The following PCDHGA1 variants were observed in gnomAD, a reference collection of about 807,000 sequenced individuals.
PCDHGA1 encodes the protein protocadherin gamma subfamily A, 1.
PCDHGA1 carries 32 observed loss-of-function variants against 58.0 expected under a neutral mutation model. That is an observed-to-expected ratio of 0.55 (90% CI 0.42 to 0.74). The LOEUF (loss-of-function observed/expected upper bound fraction) is 0.74, where lower values mean the gene tolerates loss of function less well. Ranked by LOEUF, PCDHGA1 falls within the 30% of genes least tolerant of loss-of-function variation. PCDHGA1 has a pLI of 0.00. For missense variants in PCDHGA1, 1,205 were observed against 1,182.3 expected (o/e 1.02, Z -0.28); for synonymous variants, 498 against 501.1 (o/e 0.99, Z 0.08).
In PCDHGA1 at chr5:141,471,102, G is replaced by A. The variant is rs922174682; in HGVS notation, c.2422-23705G>A. 3.4e-5 allele frequency among the ~76,000 whole-genome samples: 5 copies of A among 146,522 alleles called. No individual in the cohort carries two copies. The Admixed American group carries it at 3.5e-4, about 10-fold the overall frequency. On this transcript the variant is annotated intron_variant, in intron 1 of 3. Coordinates refer to ENST00000517417, the MANE Select transcript of PCDHGA1 (RefSeq NM_018912.3). ...CTCCCTCTGTTGTCCAGGCTAGAGTGCAGTGGTGCGATCTTACCTTCACTG... is the reference window on the plus strand; with the variant it reads ...CTCCCTCTGTTGTCCAGGCTAGAGTACAGTGGTGCGATCTTACCTTCACTG...
intron 1 of PCDHGA1, among the ~76,000 whole-genome samples, chr5:141,369,601 T>C (rs1247680470): frequency 2.0e-5 from 3 of 152,244 alleles, no homozygotes; most frequent in Non-Finnish European, 4.4e-5. Flanking sequence ...ACTTCTATTT[T>C]ATAAGGTCAA....
At position 141,331,845 on chromosome 5, in the gene PCDHGA1, T is replaced by C. The variant is rs764786644; in HGVS notation, c.1161T>C (p.Pro387=). Residue 387 remains proline, a synonymous_variant, in exon 1 of 4, where the codon CCT becomes CCC. Transcript: ENST00000517417. ...ATGGCTACACCACATGTTTCATTCC[T>C]GGAAATTTACCCTTTAAATTGGAAA... The part of the protein sequence containing the change: ...GDNGYTTCFI[P]GNLPFKLEKL... 6.2e-7 allele frequency: 1 copy of C among 1,614,194 alleles called. No homozygotes were observed. The highest frequency in any genetic ancestry group is 8.5e-7 in the Non-Finnish European group (1 of 1,180,036).
At chr5:141,333,193 T>G (rs765966685) in intron 1 of PCDHGA1, 88 bp downstream of exon 1, 1 of 1,580,104 alleles carries the variant, frequency 6.3e-7, no homozygotes, top group African/African-American at 1.4e-5. Flanking sequence ...CTACAGATAG[T>G]TCTTCTAACC....
chr5:141,432,378 C>A lies in PCDHGA1; in HGVS notation c.2422-62429C>A. On this transcript the variant is annotated intron_variant, in intron 1 of 3. Coordinates refer to ENST00000517417, the MANE Select transcript of PCDHGA1 (RefSeq NM_018912.3). This position sits in a 1 kb window ranked among gnomAD's most constrained non-coding sequence, Gnocchi z 6.0. ...GTGATGGCGCGGGACAACGGGCACC[C>A]GCCCCTCAGCAGCAACGTGTCGTTG... 6.2e-7 allele frequency: 1 copy of A among 1,614,234 alleles called. No individual in the cohort carries two copies. Among genetic ancestry groups the A allele is most frequent in the South Asian group, 1.1e-5 (1 of 91,082 alleles).
intron 1 of PCDHGA1, chr5:141,342,423 C>G (rs1381474253): frequency 1.3e-5 from 2 of 152,138 alleles, no homozygotes; most frequent in Non-Finnish European, 1.5e-5. Context: ...CACTAATGTT[C>G]TATGTAACTG....
At chr5:141,478,904 T>G in intron 1 of PCDHGA1, 1 of 958,800 alleles carries the variant, frequency 1.0e-6, no homozygotes, top group Non-Finnish European at 1.5e-6. Context: ...AGGAATAAGC[T>G]GCTGGATACC....
chr5:141,354,371 C>CT (rs1554075239), intron 1 of PCDHGA1, among the ~76,000 whole-genome samples: 8 of 152,186 alleles, frequency 5.3e-5, no homozygotes, highest in African/African-American at 9.6e-5. Flanking sequence ...ACAAGATAGT[C>CT]ATATGCATAG....
In PCDHGA1 at chr5:141,384,445, G is replaced by A. The variant is rs182497799; in HGVS notation, c.2421+51340G>A. 5.0e-6 allele frequency: 8 copies of A among 1,613,990 alleles called. 1 individual carries two copies. The African/African-American group carries it at 5.3e-5, about 11-fold the overall frequency. ...AAACTCTGACACTGGAGTCCTGTAC[G>A]CGCTGCAATCCTTTGATTATGAGCA... On this transcript the variant is annotated intron_variant, in intron 1 of 3. Transcript: ENST00000517417.
intron 1 of PCDHGA1, among the ~76,000 whole-genome samples, chr5:141,347,098 CCT>C (rs1245970285): frequency 4.1e-5 from 6 of 145,716 alleles, no homozygotes; most frequent in East Asian, 2.0e-4. Flanking sequence ...TTCCTTCCTT[CCT>C]CTCTCTCTTT....
intron 1 of PCDHGA1, chr5:141,392,912 C>T: frequency 6.2e-7 from 1 of 1,613,908 alleles, no homozygotes; most frequent in South Asian, 1.1e-5. Context: ...AGATTCGCTA[C>T]TCTGTGCCAG....
In PCDHGA1 at chr5:141,419,975, G is replaced by A. The variant is rs372316838; in HGVS notation, c.2422-74832G>A. ...CTTGATTTCTGTGCTCTTTCTCCTC[G>A]CGGTGATTCTAGCTATTGCTCTACG... On this transcript the variant is annotated intron_variant, in intron 1 of 3. Coordinates refer to ENST00000517417, the MANE Select transcript of PCDHGA1 (RefSeq NM_018912.3). 273 of 1,613,928 alleles carry A rather than the reference G, an allele frequency of 1.7e-4. No homozygotes were observed. The highest frequency in any genetic ancestry group is 2.2e-4 in the Non-Finnish European group (261 of 1,179,916).
intron 2 of PCDHGA1, among the ~76,000 whole-genome samples, chr5:141,499,869 G>A (rs1247615457): frequency 3.3e-5 from 5 of 151,938 alleles, no homozygotes; most frequent in Non-Finnish European, 5.9e-5. Context: ...TGTATTTTCA[G>A]TACAAACAGG....
Position 141,331,285 on chromosome 5 carries a change from G to A in PCDHGA1, c.601G>A (p.Asp201Asn). The A allele has an allele frequency of 6.2e-7, 1 of 1,614,094 alleles. No homozygotes were observed. The highest frequency in any genetic ancestry group is 8.5e-7 in the Non-Finnish European group (1 of 1,180,018). The change falls in exon 1 of 4, where the codon GAC (aspartate) becomes AAC (asparagine). Residue 201 changes from aspartate (D) to asparagine (N), a missense_variant. Asp to Asn is a conservative substitution (Grantham distance 23). Coordinates refer to ENST00000517417, the MANE Select transcript of PCDHGA1 (RefSeq NM_018912.3). ...HPEMVLQSPLDREEEAVHHLI... is the reference protein window; with the variant it reads ...HPEMVLQSPLNREEEAVHHLI... Reference sequence around the variant, plus strand: ...AGAGATGGTGCTGCAGAGTCCCTTAGACAGAGAAGAAGAAGCTGTCCACCA... The same window carrying A: ...AGAGATGGTGCTGCAGAGTCCCTTAAACAGAGAAGAAGAAGCTGTCCACCA...
chr5:141,339,960 G>A, intron 1 of PCDHGA1: 1 of 1,614,154 alleles, frequency 6.2e-7, no homozygotes, highest in Non-Finnish European at 8.5e-7. Flanking sequence ...CTTCTAACCA[G>A]AGCGAAGGTT....
chr5:141,399,436 C>T (rs550386808), intron 1 of PCDHGA1: 12 of 1,613,996 alleles, frequency 7.4e-6, no homozygotes, highest in Admixed American at 3.3e-5. Context: ...CGTCATCCTA[C>T]ATATCAGAGA....
Position 141,431,794 on chromosome 5 carries a change from A to C in PCDHGA1, c.2422-63013A>C. On this transcript the variant is annotated intron_variant, in intron 1 of 3. Coordinates refer to ENST00000517417, the MANE Select transcript of PCDHGA1 (RefSeq NM_018912.3). The surrounding 1 kb of genome is among the most constrained non-coding windows in gnomAD (Gnocchi z 4.8). ...TTCTGGACGTGAACGACAATGCCCC[A>C]GAAGTGGTCCTCACCTCTCTCGCCA... 1 of 1,614,260 alleles carries C rather than the reference A, an allele frequency of 6.2e-7. No individual in the cohort carries two copies. Among genetic ancestry groups the C allele is most frequent in the Non-Finnish European group, 8.5e-7 (1 of 1,180,046 alleles).
At chr5:141,508,664 T>C (rs1381178258) in intron 3 of PCDHGA1, among the ~76,000 whole-genome samples, 1 of 152,030 alleles carries the variant, frequency 6.6e-6, no homozygotes, top group Non-Finnish European at 1.5e-5. Context: ...TGTCATTCTG[T>C]CTCTGCCTCC....
intron 1 of PCDHGA1, among the ~76,000 whole-genome samples, chr5:141,348,889 G>C (rs1758199499): frequency 6.6e-6 from 1 of 152,096 alleles, no homozygotes; most frequent in Non-Finnish European, 1.5e-5. Context: ...ATCTCATTTG[G>C]TAATGCATTT....
chr5:141,398,337 G>T, intron 1 of PCDHGA1: 3 of 1,369,482 alleles, frequency 2.2e-6, no homozygotes, highest in Non-Finnish European at 3.0e-6. Context: ...GCGTCAGTTC[G>T]GAGAAGCCTT....
Sources: gnomAD v4.1 joint callset for allele counts (sites outside exome capture counted in the v4.1 genomes callset) on GRCh38, gnomAD v4.1.1 for gene constraint, Gnocchi (gnomAD v3.1) non-coding constraint, MANE v1.5 for transcripts, NCBI Gene and HGNC (gene_info 2026-07-23, HGNC 2026-07-21) for gene names.